NBAS: variants seen among roughly 807,000 people sequenced by gnomAD.
NBAS encodes the protein NAG/BC035112 fusion.
NBAS carries 219 observed loss-of-function variants against 302.5 expected under a neutral mutation model. That is an observed-to-expected ratio of 0.72 (90% CI 0.65 to 0.81). NBAS has a LOEUF of 0.81. Ranked by LOEUF, NBAS falls within the 30% of genes least tolerant of loss-of-function variation. The pLI is 0.00. For missense variants in NBAS, 2,932 were observed against 2,841.6 expected, an observed-to-expected ratio of 1.03 and a Z score of -0.72; for synonymous variants, 1,118 against 1,021.6, an observed-to-expected ratio of 1.09 and a Z score of -1.80.
In NBAS at chr2:15,374,661, A is replaced by G; in HGVS notation, c.3650T>C (p.Ile1217Thr). 11 of 1,614,018 alleles carry G rather than the reference A, an allele frequency of 6.8e-6. No homozygotes were observed. The highest frequency in any genetic ancestry group is 8.5e-6 in the Non-Finnish European group (10 of 1,179,886). The change falls in exon 31 of 52, where the codon ATC becomes ACC. Residue 1217 changes from isoleucine to threonine, a missense_variant. Ile to Thr is a moderately conservative substitution (Grantham distance 89). Coordinates refer to ENST00000281513, the MANE Select transcript of NBAS (RefSeq NM_015909.4). ...TTCTTCAAGACATCCAACGGCTTGG[A>G]TAAGATCTAGCTCCTCTTGAATGGC... ...PPAIQEELDL[I>T]QAVGCLEEFG...
chr2:15,152,781 T>C, the NBAS span, among the ~76,000 whole-genome samples: 1 of 152,244 alleles, frequency 6.6e-6, no homozygotes, highest in East Asian at 1.9e-4. Context: ...TTGGTTATAT[T>C]TGCAGCAAGA....
the NBAS span, among the ~76,000 whole-genome samples, chr2:14,844,976 C>T: frequency 6.6e-6 from 1 of 152,246 alleles, no homozygotes; most frequent in Non-Finnish European, 1.5e-5. Context: ...TCCAGCAGAA[C>T]ATGCCACCCT....
chr2:15,010,932 A>C, the NBAS span, among the ~76,000 whole-genome samples: 4 of 152,218 alleles, frequency 2.6e-5, no homozygotes, highest in Non-Finnish European at 5.9e-5. Context: ...GGAGATATTA[A>C]AATCTAATAA....
chr2:15,479,373 T>C (rs964744610), intron 12 of NBAS, among the ~76,000 whole-genome samples: 2 of 152,204 alleles, frequency 1.3e-5, no homozygotes, highest in African/African-American at 4.8e-5. Context: ...TGAAACTTTA[T>C]TTGGTCATTT....
At chr2:15,287,960 G>A (rs576986879) in intron 41 of NBAS, among the ~76,000 whole-genome samples, 21 of 151,928 alleles carry the variant, frequency 1.4e-4, no homozygotes, top group East Asian at 1.2e-3. Flanking sequence ...GAGGTAGCCC[G>A]AGCACCGTGC....
chr2:14,923,826 G>C, the NBAS span, among the ~76,000 whole-genome samples: 1 of 152,146 alleles, frequency 6.6e-6, no homozygotes, highest in East Asian at 1.9e-4. Context: ...CTCTAAGTTG[G>C]GGATGGGGTG....
the NBAS span, among the ~76,000 whole-genome samples, chr2:14,906,879 C>T: frequency 6.6e-6 from 1 of 152,128 alleles, no homozygotes; most frequent in African/African-American, 2.4e-5. Context: ...CGACAAGAGA[C>T]ACAGCCTAAG....
the NBAS span, among the ~76,000 whole-genome samples, chr2:15,102,891 T>C: frequency 2.6e-5 from 4 of 151,994 alleles, no homozygotes; most frequent in African/African-American, 4.8e-5. Flanking sequence ...TACCTTGGCA[T>C]CTGTTCCAGC....
At position 15,551,486 on chromosome 2, in the gene NBAS, C is replaced by T. The variant is rs778183753; in HGVS notation, c.379+7G>A. On this transcript the variant is annotated splice_region_variant and intron_variant, in intron 6 of 51. Transcript: ENST00000281513. ...TTTCATTCTTTAAATATTTTGGAAACTCTTACCTTGACATTTCCCAATAAT... is the reference window on the plus strand; with the variant it reads ...TTTCATTCTTTAAATATTTTGGAAATTCTTACCTTGACATTTCCCAATAAT... 3 of 1,603,262 alleles carry T rather than the reference C, an allele frequency of 1.9e-6. No homozygotes were observed. In the South Asian group the frequency reaches 3.3e-5, roughly 18 times the overall value.
intron 35 of NBAS, among the ~76,000 whole-genome samples, chr2:15,334,609 A>G (rs1310617758): frequency 6.6e-6 from 1 of 152,210 alleles, no homozygotes; most frequent in Non-Finnish European, 1.5e-5. Flanking sequence ...TTTCTGTGTT[A>G]TAAAACTAAT....
chr2:15,210,643 A>G (rs1206896687), intron 48 of NBAS, among the ~76,000 whole-genome samples: 1 of 152,212 alleles, frequency 6.6e-6, no homozygotes, highest in Non-Finnish European at 1.5e-5. Flanking sequence ...AAGAAAAGAA[A>G]TCAGTGTATC....
chr2:15,404,172 C>T (rs1287982682), intron 25 of NBAS, among the ~76,000 whole-genome samples: 1 of 151,944 alleles, frequency 6.6e-6, no homozygotes, highest in African/African-American at 2.4e-5. Context: ...AAACAAATAC[C>T]CTAAGAGGTC....
intron 7 of NBAS, among the ~76,000 whole-genome samples, chr2:15,537,681 A>T: frequency 6.6e-6 from 1 of 152,198 alleles, no homozygotes; most frequent in East Asian, 1.9e-4. Context: ...ACTGTGCTCC[A>T]GCCTGGGCAA....
intron 40 of NBAS, among the ~76,000 whole-genome samples, chr2:15,305,455 T>C (rs1158101897): frequency 2.0e-5 from 3 of 150,864 alleles, no homozygotes; most frequent in East Asian, 1.9e-4. Context: ...AGCAGTTTTT[T>C]TTTTTTTTTT....
chr2:15,113,320 C>CGTATGT, the NBAS span, among the ~76,000 whole-genome samples: 1 of 129,870 alleles, frequency 7.7e-6, no homozygotes, highest in Admixed American at 8.1e-5. Flanking sequence ...GGTATGAACT[C>CGTATGT]GTGTGTGTGT....
At chr2:15,351,869 TGC>T in intron 35 of NBAS, 121 bp downstream of exon 35, 2 of 644,850 alleles carry the variant, frequency 3.1e-6, no homozygotes, top group Non-Finnish European at 5.5e-6. Flanking sequence ...GTGGTCTGCA[TGC>T]ACACACACAC....
chr2:14,945,471 C>T, the NBAS span, among the ~76,000 whole-genome samples: 2 of 152,148 alleles, frequency 1.3e-5, no homozygotes, highest in South Asian at 4.2e-4. Context: ...AACAAGATGG[C>T]AATATATGAG....
chr2:15,280,009 G>C (rs1669754282), intron 42 of NBAS, among the ~76,000 whole-genome samples: 1 of 152,128 alleles, frequency 6.6e-6, no homozygotes, highest in South Asian at 2.1e-4. Context: ...ACCTGTTTAA[G>C]TGATTTTTCC....
chr2:15,084,880 C>A, the NBAS span, among the ~76,000 whole-genome samples: 1 of 152,216 alleles, frequency 6.6e-6, no homozygotes, highest in Non-Finnish European at 1.5e-5. Context: ...ATGTTAAAAT[C>A]TCTTGTTTTG....
Sources: gnomAD v4.1 joint callset for allele counts (sites outside exome capture counted in the v4.1 genomes callset) on GRCh38, gnomAD v4.1.1 for gene constraint, MANE v1.5 for transcripts, NCBI Gene and HGNC (gene_info 2026-07-23, HGNC 2026-07-21) for gene names.